The following CSMD1 variants were observed in gnomAD, a reference collection of about 807,000 sequenced individuals.
CSMD1 encodes the protein CUB and Sushi multiple domains 1.
A neutral mutation model predicts 417.5 loss-of-function variants in CSMD1; 213 were observed. The observed-to-expected ratio is 0.51, with a 90% CI of 0.46 to 0.57. The LOEUF is 0.57. Ranked by LOEUF, CSMD1 falls within the 20% of genes least tolerant of loss-of-function variation. The pLI is 0.00. For missense variants in CSMD1, 6,923 were observed against 4,529.7 expected, an observed-to-expected ratio of 1.53 and a Z score of -15.17; for synonymous variants, 2,862 against 1,736.8, an observed-to-expected ratio of 1.65 and a Z score of -16.11.
chr8:4,331,722 C>A (rs1053266734), intron 3 of CSMD1, among the ~76,000 whole-genome samples: 2 of 152,146 alleles, frequency 1.3e-5, no homozygotes, highest in African/African-American at 4.8e-5. Context: ...AAAGGCTTCA[C>A]AATGACCTTT....
At chr8:3,199,148 T>A (rs866434035) in intron 33 of CSMD1, among the ~76,000 whole-genome samples, 10 of 152,318 alleles carry the variant, frequency 6.6e-5, no homozygotes, top group Middle Eastern at 3.4e-3. Context: ...AAATATTTTT[T>A]AAAAGGTTTA....
At chr8:3,209,589 A>G (rs259864) in intron 30 of CSMD1, among the ~76,000 whole-genome samples, 152,020 of 152,306 alleles carry the variant, frequency 1, 75,868 homozygotes, top group Middle Eastern at 1. Flanking sequence ...AAAGTGCTGG[A>G]ATTACAGGTG....
intron 46 of CSMD1, among the ~76,000 whole-genome samples, chr8:3,102,833 C>T (rs915450456): frequency 2.0e-5 from 3 of 152,198 alleles, no homozygotes; most frequent in Non-Finnish European, 4.4e-5. Flanking sequence ...AAAGAGTTTT[C>T]CCTAGGCTTC....
rs1410781695 is a variant in CSMD1, at chr8:4,581,848, A to G, written c.302+55494T>C. ...GGGAGGGCACAAAGCACTGACCCAA[A>G]TCTCTGGACTCTTCTACCTCCTCCA... On this transcript the variant is annotated intron_variant, in intron 2 of 69. Transcript: ENST00000635120. Among the ~76,000 whole-genome samples, 3 of 152,274 alleles carry G rather than the reference A, an allele frequency of 2.0e-5. No homozygotes were observed. In the East Asian group the frequency reaches 5.8e-4, roughly 29 times the overall value.
chr8:4,777,465 G>C (rs1344413947), intron 1 of CSMD1, among the ~76,000 whole-genome samples: 1 of 152,124 alleles, frequency 6.6e-6, no homozygotes, highest in Non-Finnish European at 1.5e-5. Flanking sequence ...TGTGTGCCTA[G>C]ACTCCTATAA....
At chr8:4,090,412 C>A (rs903468896) in intron 3 of CSMD1, among the ~76,000 whole-genome samples, 2 of 152,108 alleles carry the variant, frequency 1.3e-5, no homozygotes, top group Non-Finnish European at 2.9e-5. Flanking sequence ...AATTAACACC[C>A]TAGTCTTGAT....
At chr8:3,112,282 G>GT (rs1306712228) in intron 42 of CSMD1, among the ~76,000 whole-genome samples, 2 of 152,162 alleles carry the variant, frequency 1.3e-5, no homozygotes, top group Non-Finnish European at 2.9e-5. Flanking sequence ...AGGTGACTCC[G>GT]TGCTAGTAAT....
At chr8:3,967,002 T>C (rs138269284) in intron 5 of CSMD1, among the ~76,000 whole-genome samples, 227 of 152,212 alleles carry the variant, frequency 1.5e-3, no homozygotes, top group African/African-American at 5.0e-3. Context: ...CACTGTAGAG[T>C]GTCAATTGGT....
At chr8:3,916,191 G>A (rs1484449281) in intron 5 of CSMD1, among the ~76,000 whole-genome samples, 1 of 152,012 alleles carries the variant, frequency 6.6e-6, no homozygotes, top group Non-Finnish European at 1.5e-5. Flanking sequence ...ACAATACAAT[G>A]ATGAAGTAGA....
At chr8:3,985,597 C>T (rs1286727247) in intron 5 of CSMD1, among the ~76,000 whole-genome samples, 3 of 152,128 alleles carry the variant, frequency 2.0e-5, no homozygotes, top group African/African-American at 7.2e-5. Context: ...TGAAGGGGCG[C>T]CACCTTCTAG....
At chr8:3,298,643 G>A (rs1374469264) in intron 25 of CSMD1, among the ~76,000 whole-genome samples, 2 of 152,088 alleles carry the variant, frequency 1.3e-5, no homozygotes, top group East Asian at 1.9e-4. Context: ...TAATAGAGAC[G>A]GAGTTTCACC....
At chr8:4,219,796 A>C (rs1441253790) in intron 3 of CSMD1, among the ~76,000 whole-genome samples, 1 of 152,206 alleles carries the variant, frequency 6.6e-6, no homozygotes, top group African/African-American at 2.4e-5. Flanking sequence ...GCCATTATGT[A>C]TTAATGTCTT....
chr8:3,712,994 G>C (rs941345519), intron 6 of CSMD1, among the ~76,000 whole-genome samples: 2 of 151,886 alleles, frequency 1.3e-5, no homozygotes, highest in Non-Finnish European at 2.9e-5. Flanking sequence ...GTTGACTTTA[G>C]GTTTTCTCAT....
intron 3 of CSMD1, among the ~76,000 whole-genome samples, chr8:4,239,479 C>A (rs1448219776): frequency 6.6e-6 from 1 of 152,154 alleles, no homozygotes; most frequent in Non-Finnish European, 1.5e-5. Context: ...ATGTAGCACC[C>A]TCAGATCAGC....
chr8:3,741,979 G>GTTTTTT (rs60936991), intron 6 of CSMD1, among the ~76,000 whole-genome samples: 1 of 146,148 alleles, frequency 6.8e-6, no homozygotes, highest in African/African-American at 2.5e-5. Context: ...AAGAATCTTG[G>GTTTTTT]TTTTTTTTTT....
intron 3 of CSMD1, among the ~76,000 whole-genome samples, chr8:4,119,035 G>A (rs576893047): frequency 6.6e-6 from 1 of 152,248 alleles, no homozygotes; most frequent in African/African-American, 2.4e-5. Flanking sequence ...AGTGGGAGTT[G>A]AATAATGAGA....
At chr8:4,002,478 C>A (rs1815764994) in intron 4 of CSMD1, among the ~76,000 whole-genome samples, 1 of 152,106 alleles carries the variant, frequency 6.6e-6, no homozygotes, top group South Asian at 2.1e-4. Context: ...ATCTATGAAG[C>A]TCTACAGGAT....
chr8:4,408,691 A>G lies in CSMD1; in HGVS notation c.415+11262T>C, dbSNP rs150389495. On this transcript the variant is annotated intron_variant, in intron 3 of 69. Transcript: ENST00000635120. The stretch of plus-strand genomic sequence containing the variant: ...AGTTCATTTTCTTGAAACCAAGAAT[A>G]AGCCCATAGTTGACCAGCTCTCAGA... 3.9e-4 allele frequency among the ~76,000 whole-genome samples: 59 copies of G among 152,324 alleles called. 1 individual carries two copies. The highest frequency in any genetic ancestry group is 1.2e-3 in the African/African-American group (49 of 41,576).
rs541767438 is a variant in CSMD1 at position 4,925,328 on chromosome 8, G to A, written c.85+69004C>T. 3.9e-3 allele frequency among the ~76,000 whole-genome samples: 549 copies of A among 140,590 alleles called. 2 individuals are homozygous for A. Among genetic ancestry groups the A allele is most frequent in the African/African-American group, 0.014 (528 of 38,018 alleles). The allele number at this position is 140,590 out of a possible 152,430, so 92.2% of individuals were successfully genotyped here. On this transcript the variant is annotated intron_variant, in intron 1 of 69. Coordinates refer to ENST00000635120, the MANE Select transcript of CSMD1 (RefSeq NM_033225.6). ...CAGACACAAGTAGGTGGTCTTTGAC[G>A]GGGTCATGTGTTGTCACATGACTCC...
Sources: gnomAD v4.1 joint callset for allele counts (sites outside exome capture counted in the v4.1 genomes callset) on GRCh38, gnomAD v4.1.1 for gene constraint, MANE v1.5 for transcripts, NCBI Gene and HGNC (gene_info 2026-07-23, HGNC 2026-07-21) for gene names.